The following MDGA2 variants were observed in gnomAD, a reference collection of about 807,000 sequenced individuals.
The protein encoded by MDGA2 is MAM domain containing glycosylphosphatidylinositol anchor 2.
MDGA2 carries 40 observed loss-of-function variants against 117.8 expected under a neutral mutation model. That is an observed-to-expected ratio of 0.34 (90% CI 0.26 to 0.44). The LOEUF is 0.44. MDGA2 is among the 20% of genes least tolerant of loss of function. The pLI, the probability that MDGA2 is intolerant of heterozygous loss-of-function variation, is 1.00. For synonymous variants in MDGA2, 452 were observed against 439.0 expected (o/e 1.03, Z -0.37); for missense variants, 1,123 against 1,250.6 (o/e 0.90, Z 1.54).
intron 8 of MDGA2, among the ~76,000 whole-genome samples, chr14:46,966,987 T>C (rs1245451541): frequency 6.8e-6 from 1 of 147,314 alleles, no homozygotes; most frequent in Non-Finnish European, 1.5e-5. Context: ...CATTTATTTC[T>C]TGAAAAAAAA....
chr14:47,334,387 G>A (rs1322281067), intron 1 of MDGA2, among the ~76,000 whole-genome samples: 1 of 151,744 alleles, frequency 6.6e-6, no homozygotes, highest in Non-Finnish European at 1.5e-5. Context: ...CAAGTTTCTG[G>A]AGTAAGGTAG....
chr14:47,552,612 C>T (rs760712467), intron 1 of MDGA2, among the ~76,000 whole-genome samples: 5 of 152,122 alleles, frequency 3.3e-5, no homozygotes, highest in African/African-American at 7.2e-5. Context: ...ATCTTTTCAC[C>T]CCTGAACTAC....
chr14:46,843,827 T>G (rs1397043195), intron 16 of MDGA2, among the ~76,000 whole-genome samples: 1 of 152,130 alleles, frequency 6.6e-6, no homozygotes, highest in African/African-American at 2.4e-5. Flanking sequence ...CAACATAGAT[T>G]TTCATGCTTT....
chr14:47,354,330 G>T (rs1482895826), intron 1 of MDGA2, among the ~76,000 whole-genome samples: 1 of 152,080 alleles, frequency 6.6e-6, no homozygotes, highest in Non-Finnish European at 1.5e-5. Flanking sequence ...GTACCTACCT[G>T]CAACCACTGC....
At chr14:47,076,040 A>C (rs1329211323) in intron 6 of MDGA2, among the ~76,000 whole-genome samples, 1 of 152,252 alleles carries the variant, frequency 6.6e-6, no homozygotes, top group East Asian at 1.9e-4. Flanking sequence ...CTAACAAATA[A>C]AACTAGTGAA....
chr14:47,113,764 A>C (rs1027936694), intron 5 of MDGA2, among the ~76,000 whole-genome samples: 2 of 152,168 alleles, frequency 1.3e-5, no homozygotes, highest in African/African-American at 4.8e-5. Context: ...CCTCAAAATA[A>C]TAAGAGCCAT....
At chr14:47,631,927 TAA>T (rs1897253789) in intron 1 of MDGA2, among the ~76,000 whole-genome samples, 1 of 141,804 alleles carries the variant, frequency 7.1e-6, no homozygotes, top group South Asian at 2.2e-4. Context: ...GAGATTTTTT[TAA>T]GTTTTTTTTT....
chr14:47,229,174 C>A (rs972688681), intron 2 of MDGA2, among the ~76,000 whole-genome samples: 1 of 151,992 alleles, frequency 6.6e-6, no homozygotes, highest in African/African-American at 2.4e-5. Context: ...ATATAGTATA[C>A]CGCATAAGCA....
chr14:47,034,609 T>C (rs753144755), intron 8 of MDGA2, among the ~76,000 whole-genome samples: 1 of 152,110 alleles, frequency 6.6e-6, no homozygotes, highest in Non-Finnish European at 1.5e-5. Flanking sequence ...AGTAAAAACA[T>C]GGACTGTGAA....
chr14:47,364,357 C>T (rs548818186), intron 1 of MDGA2, among the ~76,000 whole-genome samples: 4 of 152,302 alleles, frequency 2.6e-5, no homozygotes, highest in East Asian at 3.9e-4. Flanking sequence ...CTCTGCCTCC[C>T]GGGTTCACGT....
chr14:47,230,414 T>C (rs1412542698), intron 2 of MDGA2, among the ~76,000 whole-genome samples: 1 of 151,982 alleles, frequency 6.6e-6, no homozygotes, highest in East Asian at 1.9e-4. Context: ...AGTGCAATTC[T>C]AACAGTGTTT....
At chr14:47,424,679 C>T (rs1168221763) in intron 1 of MDGA2, among the ~76,000 whole-genome samples, 5 of 152,112 alleles carry the variant, frequency 3.3e-5, no homozygotes, top group African/African-American at 1.2e-4. Context: ...TTAGTTAATT[C>T]AGAGTGGAGC....
intron 1 of MDGA2, among the ~76,000 whole-genome samples, chr14:47,507,445 T>C (rs577454523): frequency 1.3e-5 from 2 of 152,308 alleles, no homozygotes; most frequent in Non-Finnish European, 2.9e-5. Flanking sequence ...AAGCTCAATG[T>C]AATATCAATT....
In MDGA2 at chr14:46,941,558, G is replaced by A. The variant is rs1959812; in HGVS notation, c.2089+15816C>T. ...GAGGCCAGGTGCTTAAACAGACACCGGGAGGTTTGAGAGATGGCTTTGATT... is the reference window on the plus strand; with the variant it reads ...GAGGCCAGGTGCTTAAACAGACACCAGGAGGTTTGAGAGATGGCTTTGATT... On this transcript the variant is annotated intron_variant, in intron 9 of 16. Coordinates refer to ENST00000399232, the MANE Select transcript of MDGA2 (RefSeq NM_001113498.3). Among the ~76,000 whole-genome samples, 36 of 152,054 alleles carry A rather than the reference G, an allele frequency of 2.4e-4. No homozygotes were observed. In the East Asian group the frequency reaches 5.6e-3, roughly 24 times the overall value.
rs75883339 is a variant in MDGA2, at chr14:46,986,723, T to C, written c.1820-29080A>G. ...TATAAACACACTGGCAAATTGTTTG[T>C]CCCAAAGCATCAAGAGTAAGCTATA... is the stretch of plus-strand genomic sequence containing the variant. On this transcript the variant is annotated intron_variant, in intron 8 of 16. Transcript: ENST00000399232. Among the ~76,000 whole-genome samples the C allele has an allele frequency of 7.2e-3, 1,091 of 152,208 alleles. 23 individuals are homozygous for C. Among genetic ancestry groups the C allele is most frequent in the African/African-American group, 0.025 (1,026 of 41,538 alleles).
intron 1 of MDGA2, among the ~76,000 whole-genome samples, chr14:47,420,106 C>T (rs1341932790): frequency 6.6e-6 from 1 of 152,126 alleles, no homozygotes; most frequent in Non-Finnish European, 1.5e-5. Context: ...TGCATGCATG[C>T]ATACATATAT....
chr14:47,565,780 C>T (rs1406165004), intron 1 of MDGA2, among the ~76,000 whole-genome samples: 1 of 152,306 alleles, frequency 6.6e-6, no homozygotes, highest in Admixed American at 6.5e-5. Flanking sequence ...CATTCATACC[C>T]ATGGCCGTGC....
chr14:47,000,400 AAT>A (rs71112475), intron 8 of MDGA2, among the ~76,000 whole-genome samples: 3 of 115,604 alleles, frequency 2.6e-5, no homozygotes, highest in African/African-American at 6.7e-5. Context: ...TTTATATATA[AAT>A]ATATATTTAT....
chr14:46,952,498 T>C (rs1272971593), intron 9 of MDGA2, among the ~76,000 whole-genome samples: 1 of 152,010 alleles, frequency 6.6e-6, no homozygotes, highest in Non-Finnish European at 1.5e-5. Context: ...ACTGTTTAAA[T>C]AATGGTTAAG....
Sources: gnomAD v4.1 joint callset for allele counts (sites outside exome capture counted in the v4.1 genomes callset) on GRCh38, gnomAD v4.1.1 for gene constraint, MANE v1.5 for transcripts, NCBI Gene and HGNC (gene_info 2026-07-23, HGNC 2026-07-21) for gene names.